DDB2: variants seen among roughly 807,000 people sequenced by gnomAD.
DDB2 encodes the protein DNA damage-binding protein 2.
Under a neutral mutation model 50.5 loss-of-function variants are expected in DDB2, and 27 were observed. The ratio of observed to expected loss-of-function variants is 0.53; its 90% CI spans 0.39 to 0.74. The LOEUF is 0.74. Ranked by LOEUF, DDB2 falls within the 30% of genes least tolerant of loss-of-function variation. The probability of loss-of-function intolerance (pLI) is 0.00; values close to 1 mark genes in which losing one functional copy is unlikely to be tolerated. For missense variants in DDB2, 424 were observed against 545.6 expected, an observed-to-expected ratio of 0.78 and a Z score of 2.22; for synonymous variants, 176 against 205.5, an observed-to-expected ratio of 0.86 and a Z score of 1.23.
At chr11:47,234,970 C>G in intron 6 of DDB2, 36 bp downstream of exon 6, 1 of 1,609,930 alleles carries the variant, frequency 6.2e-7, no homozygotes, top group Non-Finnish European at 8.5e-7. Context: ...CCTGCAGACC[C>G]TGCCTGTCTG....
intron 3 of DDB2, among the ~76,000 whole-genome samples, chr11:47,224,985 T>C (rs1310697475): frequency 1.3e-5 from 2 of 152,072 alleles, no homozygotes; most frequent in African/African-American, 4.8e-5. Context: ...TCTTCCAGGC[T>C]GGAGTGCACT....
chr11:47,215,234 A>G lies in DDB2; in HGVS notation c.98A>G (p.Glu33Gly). 1 of 1,613,778 alleles carries G rather than the reference A, an allele frequency of 6.2e-7. No homozygotes were observed. The highest frequency in any genetic ancestry group is 8.5e-7 in the Non-Finnish European group (1 of 1,179,964). Residue 33 changes from glutamate (E) to glycine (G), a missense_variant, in exon 1 of 10, where the codon GAG becomes GGG. Physicochemically the swap from Glu to Gly is moderately conservative, Grantham distance 98 (BLOSUM62 -2). Coordinates refer to ENST00000256996, the MANE Select transcript of DDB2 (RefSeq NM_000107.3). The stretch of plus-strand genomic sequence containing the variant: ...AGGAGTCCCCTGGAGCTGGAGCCCG[A>G]GGCCAAGAAGCTCTGTGCGAAGGGC... ...RSRSPLELEP[E>G]AKKLCAKGSG...
At chr11:47,234,126 G>A (rs969802103) in intron 4 of DDB2, among the ~76,000 whole-genome samples, 3 of 152,128 alleles carry the variant, frequency 2.0e-5, no homozygotes, top group Non-Finnish European at 1.5e-5. Flanking sequence ...TGTTCAGAAG[G>A]GGGCAGAAGT....
At chr11:47,232,029 AAAG>A (rs1953656338) in intron 3 of DDB2, among the ~76,000 whole-genome samples, 1 of 152,216 alleles carries the variant, frequency 6.6e-6, no homozygotes, top group Admixed American at 6.6e-5. Context: ...ATTAAAAAAA[AAAG>A]TAAAAATAAA....
At chr11:47,217,185 G>A (rs1953412084) in intron 3 of DDB2, 136 bp downstream of exon 3, 3 of 716,050 alleles carry the variant, frequency 4.2e-6, no homozygotes, top group Non-Finnish European at 7.4e-6. Context: ...AGACCAGCCT[G>A]GCCAACATGG....
At chr11:47,228,475 T>G (rs1298880416) in intron 3 of DDB2, among the ~76,000 whole-genome samples, 1 of 151,442 alleles carries the variant, frequency 6.6e-6, no homozygotes, top group Non-Finnish European at 1.5e-5. Flanking sequence ...ACCCTGTCTC[T>G]ACTAAAAATA....
At chr11:47,234,536 GT>G (rs1565156328) in intron 4 of DDB2, 36 bp from the exon 5 acceptor site, 1 of 1,569,192 alleles carries the variant, frequency 6.4e-7, no homozygotes, top group Admixed American at 1.7e-5. Flanking sequence ...GACTATCTCT[GT>G]CCCCAAGAAT....
Position 47,239,137 on chromosome 11 carries a change from CAGTG to C in DDB2, c.*289_*292del. On this transcript the variant is annotated 3_prime_UTR_variant, in exon 10 of 10. Transcript: ENST00000256996. ...TGGAACTAAATGACTTTTCTCCTCT[CAGTG>C]GGTGGTAGCAGAGGGATCAAGCAGT... is the stretch of plus-strand genomic sequence containing the variant. The C allele has an allele frequency of 2.2e-6, 1 of 460,518 alleles. No individual in the cohort carries two copies. Among genetic ancestry groups the C allele is most frequent in the Non-Finnish European group, 4.0e-6 (1 of 248,582 alleles). The allele number at this position is 460,518 out of a possible 1,614,324, so 28.5% of individuals were successfully genotyped here. A position where few individuals can be genotyped will look rare whatever the true frequency, so the allele number is the denominator to read the frequency against.
chr11:47,230,240 C>T (rs117575057), intron 3 of DDB2, among the ~76,000 whole-genome samples: 2,457 of 152,038 alleles, frequency 0.016, 30 homozygotes, highest in Non-Finnish European at 0.025. Context: ...GTTGGGGCTA[C>T]GCTGAGCCAG....
chr11:47,229,848 A>G, intron 3 of DDB2: 2 of 387,470 alleles, frequency 5.2e-6, no homozygotes, highest in South Asian at 3.6e-5. Context: ...TCTTCCTAAT[A>G]GAGACAGGGT....
rs1953379864 is a variant in DDB2 at position 47,215,036 on chromosome 11, C to G, written c.-101C>G. The G allele has an allele frequency of 6.3e-7, 1 of 1,574,828 alleles. No individual in the cohort carries two copies. The highest frequency in any genetic ancestry group is 1.1e-5 in the South Asian group (1 of 89,896). ...GGCTTAGCTCGGCTACCTGTGGCCC[C>G]GCAGTTTTGTAGTCCCCGCCTTGTT... On this transcript the variant is annotated 5_prime_UTR_variant, in exon 1 of 10. Coordinates refer to ENST00000256996, the MANE Select transcript of DDB2 (RefSeq NM_000107.3).
intron 3 of DDB2, among the ~76,000 whole-genome samples, chr11:47,225,837 A>C (rs1590994376): frequency 6.6e-6 from 1 of 152,142 alleles, no homozygotes; most frequent in Non-Finnish European, 1.5e-5. Flanking sequence ...ACTACTTTAG[A>C]TATCTCATCT....
At chr11:47,235,171 G>T in intron 6 of DDB2, 99 bp from the exon 7 acceptor site, 1 of 1,520,664 alleles carries the variant, frequency 6.6e-7, no homozygotes, top group Non-Finnish European at 9.1e-7. Flanking sequence ...TGTCTAGAGA[G>T]GAGTGGGAGG....
chr11:47,227,727 C>T (rs533417895), intron 3 of DDB2, among the ~76,000 whole-genome samples: 159 of 152,160 alleles, frequency 1.0e-3, no homozygotes, highest in African/African-American at 3.5e-3. Flanking sequence ...TTCATCCTGG[C>T]CATAACATAT....
intron 3 of DDB2, among the ~76,000 whole-genome samples, chr11:47,219,654 A>G (rs1953453661): frequency 6.6e-6 from 1 of 152,196 alleles, no homozygotes; most frequent in African/African-American, 2.4e-5. Context: ...CTGGGCCTCT[A>G]GAACGTCTTA....
chr11:47,228,098 C>G (rs1953585765), intron 3 of DDB2, among the ~76,000 whole-genome samples: 1 of 147,432 alleles, frequency 6.8e-6, no homozygotes, highest in Non-Finnish European at 1.5e-5. Flanking sequence ...TGAGATCGTA[C>G]CACTGCACTC....
At chr11:47,237,452 TGA>T (rs1176754996) in intron 7 of DDB2, among the ~76,000 whole-genome samples, 2 of 151,058 alleles carry the variant, frequency 1.3e-5, no homozygotes, top group African/African-American at 2.4e-5. Context: ...TTTTTTTTTT[TGA>T]GAGTCTTGCT....
rs183998044 is a variant in DDB2 at position 47,217,892 on chromosome 11, A to G, written c.456+843A>G. Among the ~76,000 whole-genome samples the G allele has an allele frequency of 9.9e-5, 15 of 151,874 alleles. No individual in the cohort carries two copies. The East Asian group carries it at 2.7e-3, about 27-fold the overall frequency. Reference sequence around the variant, plus strand: ...GGCAACAGAGCGAGACTCCATCTCAAAAAAAAAGAATTGAAGCCCCTTCTT... The same window carrying G: ...GGCAACAGAGCGAGACTCCATCTCAGAAAAAAAGAATTGAAGCCCCTTCTT... On this transcript the variant is annotated intron_variant, in intron 3 of 9. Transcript: ENST00000256996.
intron 4 of DDB2, 45 bp downstream of exon 4, chr11:47,233,004 G>A (rs1304150892): frequency 1.2e-6 from 2 of 1,608,564 alleles, no homozygotes; most frequent in Non-Finnish European, 1.7e-6. Context: ...AAGCTTAGGT[G>A]TAGTTCCGGC....
Sources: allele counts gnomAD v4.1 joint callset (sites outside exome capture counted in the v4.1 genomes callset), GRCh38; gene constraint gnomAD v4.1.1; transcripts MANE v1.5; gene names NCBI Gene and HGNC (gene_info 2026-07-23, HGNC 2026-07-21).